Variants in ILRUN observed in about 807,000 individuals in gnomAD.
The protein encoded by ILRUN is inflammation and lipid regulator with UBA-like and NBR1-like domains.
A neutral mutation model predicts 33.8 loss-of-function variants in ILRUN; 3 were observed. The observed-to-expected ratio is 0.09, with a 90% CI of 0.04 to 0.23. The LOEUF (loss-of-function observed/expected upper bound fraction) is 0.23. ILRUN is among the 10% of genes least tolerant of loss of function. The probability of loss-of-function intolerance (pLI) is 1.00; values close to 1 mark genes in which losing one functional copy is unlikely to be tolerated. For synonymous variants in ILRUN, 124 were observed against 138.9 expected, an observed-to-expected ratio of 0.89 and a Z score of 0.75; for missense variants, 210 against 375.1, an observed-to-expected ratio of 0.56 and a Z score of 3.64.
At chr6:34,614,562 G>A (rs1761840248) in intron 3 of ILRUN, among the ~76,000 whole-genome samples, 1 of 148,074 alleles carries the variant, frequency 6.8e-6, no homozygotes, top group Admixed American at 6.7e-5. Context: ...GGAGAGAAGA[G>A]ACAAACTTCC....
chr6:34,608,656 G>C (rs2814977), intron 3 of ILRUN, among the ~76,000 whole-genome samples: 1 of 151,934 alleles, frequency 6.6e-6, no homozygotes, highest in Admixed American at 6.5e-5. Flanking sequence ...GAATTTTTCA[G>C]CTCCATTATA....
intron 1 of ILRUN, among the ~76,000 whole-genome samples, chr6:34,664,142 C>G (rs933217957): frequency 6.6e-6 from 1 of 152,260 alleles, no homozygotes; most frequent in African/African-American, 2.4e-5. Context: ...AACTTGTGAC[C>G]TCCAGAACTG....
intron 2 of ILRUN, among the ~76,000 whole-genome samples, chr6:34,650,416 T>TTTATTTATTTATTTATTTATTTATGAGTA (rs1762640208): frequency 1.3e-5 from 1 of 78,888 alleles, no homozygotes; most frequent in Non-Finnish European, 2.3e-5. Context: ...TTTTTATTTA[T>TTTATTTATTTATTTATTTATTTATGAGTA]TTATTTATTT....
chr6:34,634,841 T>C (rs1349282053), intron 3 of ILRUN, among the ~76,000 whole-genome samples: 1 of 151,970 alleles, frequency 6.6e-6, no homozygotes, highest in Non-Finnish European at 1.5e-5. Context: ...AATTCTTTAG[T>C]AGAAGAATAA....
chr6:34,638,873 G>A (rs547215165), intron 3 of ILRUN, among the ~76,000 whole-genome samples: 293 of 152,280 alleles, frequency 1.9e-3, no homozygotes, highest in Non-Finnish European at 3.6e-3. Context: ...ATGTTCTAAA[G>A]GTGGGGTTAA....
At chr6:34,677,998 T>G (rs190533018) in intron 1 of ILRUN, among the ~76,000 whole-genome samples, 2,144 of 150,458 alleles carry the variant, frequency 0.014, 14 homozygotes, top group African/African-American at 0.023. Flanking sequence ...TGCACCACTG[T>G]GTCTGGCCTG....
At chr6:34,675,623 G>A (rs1003025527) in intron 1 of ILRUN, among the ~76,000 whole-genome samples, 3 of 152,132 alleles carry the variant, frequency 2.0e-5, no homozygotes, top group African/African-American at 4.8e-5. Context: ...AAGACTGCTG[G>A]AGTCAATGTC....
chr6:34,668,874 C>A (rs1763056184), intron 1 of ILRUN, among the ~76,000 whole-genome samples: 1 of 133,220 alleles, frequency 7.5e-6, no homozygotes, highest in Non-Finnish European at 1.6e-5. Context: ...GATGAAGTTT[C>A]GCTCTTGTCG....
chr6:34,626,041 G>A (rs1310782697), intron 3 of ILRUN, among the ~76,000 whole-genome samples: 9 of 151,908 alleles, frequency 5.9e-5, no homozygotes, highest in South Asian at 2.1e-4. Context: ...TAGTAGGGAC[G>A]GGGTTTCACC....
intron 3 of ILRUN, among the ~76,000 whole-genome samples, chr6:34,633,110 T>C (rs1762281465): frequency 1.3e-5 from 2 of 152,134 alleles, no homozygotes; most frequent in South Asian, 2.1e-4. Flanking sequence ...TTGTAAACAC[T>C]AGTCAAAAGG....
At position 34,606,816 on chromosome 6, in the gene ILRUN, T is replaced by C; in HGVS notation, c.600A>G (p.Thr200=). 6.2e-7 allele frequency: 1 copy of C among 1,614,120 alleles called. No homozygotes were observed. Among genetic ancestry groups the C allele is most frequent in the Non-Finnish European group, 8.5e-7 (1 of 1,180,020 alleles). The change falls in exon 4 of 5, where the codon ACA becomes ACG. Residue 200 remains threonine, a synonymous_variant. Coordinates refer to ENST00000374023, the MANE Select transcript of ILRUN (RefSeq NM_024294.4). Reference sequence around the variant, plus strand: ...TTCCTTCTACCTTACGATGCGGCTGTGTGTTGAACTCCGTTTCAAAAGATG... The same window carrying C: ...TTCCTTCTACCTTACGATGCGGCTGCGTGTTGAACTCCGTTTCAAAAGATG... ...QLSSFETEFN[T]QPHRKVEGNF...
In ILRUN at chr6:34,592,562, G is replaced by T. The variant is rs1761316587; in HGVS notation, c.862-1962C>A. ...GTATCAAGTTCACGCAAAAGTAATT[G>T]CAGTTTTTGCCATTATTTTTATTTT... On this transcript the variant is annotated intron_variant, in intron 4 of 4. Transcript: ENST00000374023. The surrounding 1 kb of genome is among the most constrained non-coding windows in gnomAD (Gnocchi z 4.0). 6.6e-6 allele frequency among the ~76,000 whole-genome samples: 1 copy of T among 152,190 alleles called. No individual in the cohort carries two copies.
chr6:34,625,558 C>T (rs1762106777), intron 3 of ILRUN, among the ~76,000 whole-genome samples: 1 of 152,116 alleles, frequency 6.6e-6, no homozygotes, highest in Non-Finnish European at 1.5e-5. Flanking sequence ...TACAGATGAC[C>T]AGTGGGTGCT....
At chr6:34,681,990 T>C (rs1234642714) in intron 1 of ILRUN, among the ~76,000 whole-genome samples, 1 of 149,326 alleles carries the variant, frequency 6.7e-6, no homozygotes, top group Admixed American at 6.7e-5. Context: ...TAGTTGGGAT[T>C]ACAGGTGCAT....
intron 1 of ILRUN, 68 bp from the exon 2 acceptor site, chr6:34,654,847 A>T: frequency 6.9e-7 from 1 of 1,443,450 alleles, no homozygotes; most frequent in Non-Finnish European, 9.3e-7. Context: ...GTTAAACAAA[A>T]GGAAAAAGCC....
intron 3 of ILRUN, among the ~76,000 whole-genome samples, chr6:34,621,178 T>C (rs976696534): frequency 7.9e-5 from 12 of 152,204 alleles, no homozygotes; most frequent in Non-Finnish European, 1.5e-4. Context: ...TTAATTTCAT[T>C]GAAAGCAACA....
At chr6:34,623,369 C>T (rs1474751616) in intron 3 of ILRUN, among the ~76,000 whole-genome samples, 1 of 152,140 alleles carries the variant, frequency 6.6e-6, no homozygotes, top group African/African-American at 2.4e-5. Context: ...TGGTCTAGTG[C>T]TTATTGATGA....
chr6:34,681,465 A>ATCT (rs1562031398), intron 1 of ILRUN, among the ~76,000 whole-genome samples: 5 of 152,194 alleles, frequency 3.3e-5, no homozygotes, highest in Admixed American at 6.5e-5. Context: ...GTGATTTAGA[A>ATCT]AGAGTTTAAA....
At chr6:34,696,331 G>A (rs2127394519) in intron 1 of ILRUN, 115 bp downstream of exon 1, 2 of 1,107,232 alleles carry the variant, frequency 1.8e-6, no homozygotes, top group East Asian at 2.6e-5. Context: ...GTCCCGGGAA[G>A]GGGTGGCCCT....
Sources: allele counts gnomAD v4.1 joint callset (sites outside exome capture counted in the v4.1 genomes callset), GRCh38; gene constraint gnomAD v4.1.1; non-coding constraint Gnocchi (gnomAD v3.1); transcripts MANE v1.5; gene names NCBI Gene and HGNC (gene_info 2026-07-23, HGNC 2026-07-21).